MAGI1: variants seen among roughly 807,000 people sequenced by gnomAD.
The protein encoded by MAGI1 is membrane associated guanylate kinase, WW and PDZ domain containing 1.
A neutral mutation model predicts 139.9 loss-of-function variants in MAGI1; 58 were observed. The observed-to-expected ratio is 0.41, with a 90% CI of 0.34 to 0.52. The LOEUF is 0.52. Among genes scored for constraint, MAGI1 ranks in the 20% least tolerant of loss-of-function variants. MAGI1 has a pLI of 0.12. For missense variants in MAGI1, 1,874 were observed against 1,901.6 expected, an observed-to-expected ratio of 0.99 and a Z score of 0.27; for synonymous variants, 812 against 737.9, an observed-to-expected ratio of 1.10 and a Z score of -1.63.
At chr3:65,680,332 G>A (rs114903714) in intron 1 of MAGI1, among the ~76,000 whole-genome samples, 288 of 152,260 alleles carry the variant, frequency 1.9e-3, no homozygotes, top group African/African-American at 6.5e-3. Context: ...TCTCTGATTT[G>A]AATATGATAA....
At chr3:65,520,936 T>C (rs973833491) in intron 2 of MAGI1, among the ~76,000 whole-genome samples, 1 of 152,204 alleles carries the variant, frequency 6.6e-6, no homozygotes, top group Admixed American at 6.5e-5. Flanking sequence ...TTGGCAAACA[T>C]ATTAGCCAAT....
At chr3:65,946,572 T>A (rs1288788341) in intron 1 of MAGI1, among the ~76,000 whole-genome samples, 1 of 152,024 alleles carries the variant, frequency 6.6e-6, no homozygotes, top group Admixed American at 6.6e-5. Flanking sequence ...AGCTCAAACC[T>A]ATTTGTCTTG....
intron 1 of MAGI1, among the ~76,000 whole-genome samples, chr3:65,722,947 A>G (rs2033208496): frequency 6.6e-6 from 1 of 151,792 alleles, no homozygotes; most frequent in South Asian, 2.1e-4. Context: ...TTTTATAGAT[A>G]CAAGATGTAG....
chr3:65,437,494 T>C (rs193107015), intron 9 of MAGI1, among the ~76,000 whole-genome samples: 1 of 151,742 alleles, frequency 6.6e-6, no homozygotes, highest in East Asian at 1.9e-4. Flanking sequence ...GGCTGGAAAG[T>C]CCAAAGTGAA....
intron 1 of MAGI1, among the ~76,000 whole-genome samples, chr3:65,722,836 C>T (rs954421046): frequency 6.6e-6 from 1 of 151,792 alleles, no homozygotes; most frequent in African/African-American, 2.4e-5. Context: ...ACAAAAGAAA[C>T]ACCATGTGAG....
chr3:65,371,699 ATTAAC>A (rs778963536), intron 18 of MAGI1, among the ~76,000 whole-genome samples: 11 of 152,200 alleles, frequency 7.2e-5, no homozygotes, highest in South Asian at 4.1e-4. Context: ...CCACTGCTTT[ATTAAC>A]TTAAGTTGAT....
intron 2 of MAGI1, among the ~76,000 whole-genome samples, chr3:65,604,491 G>C (rs1041991197): frequency 6.6e-6 from 1 of 152,134 alleles, no homozygotes; most frequent in African/African-American, 2.4e-5. Flanking sequence ...TATCAGAGTT[G>C]CTACTGTGGA....
Position 65,459,785 on chromosome 3 carries a change from G to A in MAGI1, c.960-6445C>T, listed in dbSNP as rs545866939. ...AAAAACTACAAAAAATTAGCTGGGT[G>A]TAGTGGCATGTACCTGTAGTCCCAG... is the stretch of plus-strand genomic sequence containing the variant. On this transcript the variant is annotated intron_variant, in intron 5 of 22. Transcript: ENST00000402939. Among the ~76,000 whole-genome samples, 17 of 152,224 alleles carry A rather than the reference G, an allele frequency of 1.1e-4. 1 individual carries two copies. Among genetic ancestry groups the A allele is most frequent in the African/African-American group, 3.9e-4 (16 of 41,538 alleles).
chr3:65,454,595 T>A (rs951942027), intron 5 of MAGI1, among the ~76,000 whole-genome samples: 2 of 150,584 alleles, frequency 1.3e-5, no homozygotes, highest in Admixed American at 1.3e-4. Context: ...GAAGTTTTTT[T>A]AAAAATTAAG....
chr3:65,865,039 C>G (rs545140611), intron 1 of MAGI1, among the ~76,000 whole-genome samples: 1 of 152,250 alleles, frequency 6.6e-6, no homozygotes, highest in Admixed American at 6.5e-5. Flanking sequence ...CGGATAGACA[C>G]TAAGCAGCAC....
intron 2 of MAGI1, among the ~76,000 whole-genome samples, chr3:65,518,797 T>G (rs1219092914): frequency 6.6e-6 from 1 of 152,042 alleles, no homozygotes; most frequent in East Asian, 1.9e-4. Context: ...TAAACCGAGT[T>G]TACGTCTCCA....
rs550136633 is a variant in MAGI1 at position 65,859,668 on chromosome 3, C to T, written c.313+178328G>A. On this transcript the variant is annotated intron_variant, in intron 1 of 22. Coordinates refer to ENST00000402939, the MANE Select transcript of MAGI1 (RefSeq NM_001033057.2). Reference sequence around the variant, plus strand: ...CCTGGGAGGCAGAGGTTGCAGTGAGCTGAGATCATGCCACTGCACGCCAGC... The same window carrying T: ...CCTGGGAGGCAGAGGTTGCAGTGAGTTGAGATCATGCCACTGCACGCCAGC... Among the ~76,000 whole-genome samples the T allele has an allele frequency of 3.5e-4, 53 of 151,248 alleles. No homozygotes were observed. The East Asian group carries it at 9.6e-3, about 27-fold the overall frequency.
At chr3:65,750,765 C>G (rs143570136) in intron 1 of MAGI1, among the ~76,000 whole-genome samples, 3 of 152,288 alleles carry the variant, frequency 2.0e-5, no homozygotes, top group Non-Finnish European at 4.4e-5. Context: ...ATTTTACATA[C>G]GCTGAAAGTT....
chr3:65,722,841 T>A (rs1176939550), intron 1 of MAGI1, among the ~76,000 whole-genome samples: 1 of 151,716 alleles, frequency 6.6e-6, no homozygotes, highest in Non-Finnish European at 1.5e-5. Context: ...AGAAACACCA[T>A]GTGAGTTTCC....
chr3:65,961,948 C>T (rs1017967706), intron 1 of MAGI1, among the ~76,000 whole-genome samples: 1 of 152,118 alleles, frequency 6.6e-6, no homozygotes, highest in African/African-American at 2.4e-5. Flanking sequence ...CTGAGCAAAT[C>T]AGCTAAGTGC....
chr3:65,890,679 T>A (rs1345073881), intron 1 of MAGI1, among the ~76,000 whole-genome samples: 1 of 152,074 alleles, frequency 6.6e-6, no homozygotes, highest in Non-Finnish European at 1.5e-5. Context: ...TCACAAAATA[T>A]CAGCCCATCC....
intron 1 of MAGI1, among the ~76,000 whole-genome samples, chr3:65,812,422 T>A (rs1393386130): frequency 6.6e-6 from 1 of 151,386 alleles, no homozygotes; most frequent in East Asian, 1.9e-4. Flanking sequence ...GATTTTATAA[T>A]TTTATAAAAT....
At chr3:65,479,899 G>A (rs1023610409) in intron 3 of MAGI1, among the ~76,000 whole-genome samples, 4 of 151,838 alleles carry the variant, frequency 2.6e-5, no homozygotes, top group East Asian at 1.9e-4. Flanking sequence ...AATATTCAGC[G>A]GCTACATAAT....
chr3:65,540,888 A>T (rs2079178770), intron 2 of MAGI1, among the ~76,000 whole-genome samples: 1 of 152,240 alleles, frequency 6.6e-6, no homozygotes, highest in South Asian at 2.1e-4. Context: ...TGCTGGGAAG[A>T]GCAGCCAGGC....
Sources: allele counts gnomAD v4.1 joint callset (sites outside exome capture counted in the v4.1 genomes callset), GRCh38; gene constraint gnomAD v4.1.1; transcripts MANE v1.5; gene names NCBI Gene and HGNC (gene_info 2026-07-23, HGNC 2026-07-21).